Variants in MSRA observed in about 807,000 individuals in gnomAD.
MSRA encodes the protein methionine sulfoxide reductase A, also known as mitochondrial peptide methionine sulfoxide reductase.
A neutral mutation model predicts 31.3 loss-of-function variants in MSRA; 54 were observed. The ratio of observed to expected loss-of-function variants is 1.73; its 90% confidence interval spans 1.39 to 2.17. The LOEUF (loss-of-function observed/expected upper bound fraction) is 2.17, where lower values mean the gene tolerates loss of function less well. Ranked by LOEUF, MSRA falls within the 30% of genes most tolerant of loss-of-function variation. The pLI is 0.00. For synonymous variants in MSRA, 169 were observed against 116.5 expected, an observed-to-expected ratio of 1.45 and a Z score of -2.90; for missense variants, 507 against 300.9, an observed-to-expected ratio of 1.69 and a Z score of -5.07.
At chr8:10,230,208 T>C (rs1343503595) in intron 2 of MSRA, among the ~76,000 whole-genome samples, 5 of 152,220 alleles carry the variant, frequency 3.3e-5, no homozygotes, top group Admixed American at 3.3e-4. Flanking sequence ...AGGCATTCCA[T>C]AGGGTAGACT....
At chr8:10,306,451 G>C (rs1801145392) in intron 4 of MSRA, among the ~76,000 whole-genome samples, 1 of 151,634 alleles carries the variant, frequency 6.6e-6, no homozygotes, top group Admixed American at 6.6e-5. Flanking sequence ...TCTTTGTCTG[G>C]GTAAGTATTT....
rs11996510 is a variant in MSRA at position 10,261,626 on chromosome 8, G to A, written c.331+16403G>A. ...AAGTACACAGAGTTCCAATGTTACC[G>A]CCTGCCACACATACATCCATTTTCT... On this transcript the variant is annotated intron_variant, in intron 3 of 5. Coordinates refer to ENST00000317173, the MANE Select transcript of MSRA (RefSeq NM_012331.5). Among the ~76,000 whole-genome samples the A allele has an allele frequency of 9.2e-3, 1,394 of 152,168 alleles. 17 individuals are homozygous for A. The highest frequency in any genetic ancestry group is 0.032 in the African/African-American group (1,309 of 41,508).
chr8:10,166,178 T>G (rs1805103962), intron 1 of MSRA, among the ~76,000 whole-genome samples: 1 of 152,106 alleles, frequency 6.6e-6, no homozygotes, highest in Non-Finnish European at 1.5e-5. Context: ...GTGGGTATGG[T>G]AGTGGTGATG....
At chr8:10,099,042 G>A (rs4841280) in intron 1 of MSRA, among the ~76,000 whole-genome samples, 116,559 of 152,080 alleles carry the variant, frequency 0.77, 44,858 homozygotes, top group African/African-American at 0.82. Flanking sequence ...GGGGTGTGGT[G>A]TATTTTAAAT....
At chr8:10,252,137 A>C (rs1249161876) in intron 3 of MSRA, among the ~76,000 whole-genome samples, 4 of 152,248 alleles carry the variant, frequency 2.6e-5, no homozygotes, top group Admixed American at 1.3e-4. Flanking sequence ...GGAAACCTCC[A>C]AGACTGCTTT....
chr8:10,101,278 A>C (rs1438405738), intron 1 of MSRA, among the ~76,000 whole-genome samples: 2 of 152,204 alleles, frequency 1.3e-5, no homozygotes, highest in Non-Finnish European at 2.9e-5. Context: ...ATACATGCAG[A>C]GCTCTTAGCA....
At chr8:10,179,231 G>A (rs753095884) in intron 1 of MSRA, among the ~76,000 whole-genome samples, 104 of 152,194 alleles carry the variant, frequency 6.8e-4, no homozygotes, top group Non-Finnish European at 9.9e-4. Flanking sequence ...TTAACATATA[G>A]CAAAATTACC....
At chr8:10,061,436 T>C (rs1802717682) in intron 1 of MSRA, among the ~76,000 whole-genome samples, 1 of 152,138 alleles carries the variant, frequency 6.6e-6, no homozygotes, top group African/African-American at 2.4e-5. Flanking sequence ...GTGATCTCCT[T>C]CTTCTCTACT....
chr8:10,238,051 C>T (rs1304797130), intron 2 of MSRA, among the ~76,000 whole-genome samples: 2 of 152,202 alleles, frequency 1.3e-5, no homozygotes, highest in Admixed American at 6.5e-5. Flanking sequence ...CCTTAACCAT[C>T]CCACAAGGTC....
At chr8:10,412,322 G>A (rs973025701) in intron 5 of MSRA, among the ~76,000 whole-genome samples, 1 of 152,152 alleles carries the variant, frequency 6.6e-6, no homozygotes, top group Non-Finnish European at 1.5e-5. Flanking sequence ...AAGGGCCACA[G>A]GCTTGTCAGT....
intron 2 of MSRA, among the ~76,000 whole-genome samples, chr8:10,224,223 A>T (rs1012518151): frequency 2.6e-5 from 4 of 152,202 alleles, no homozygotes; most frequent in Non-Finnish European, 5.9e-5. Context: ...CCACTTAGCT[A>T]TAAACCAGAT....
intron 1 of MSRA, among the ~76,000 whole-genome samples, chr8:10,071,352 G>C (rs1318014629): frequency 2.6e-5 from 4 of 151,886 alleles, no homozygotes; most frequent in Non-Finnish European, 5.9e-5. Context: ...TTGAATTATT[G>C]CTTTACTCTT....
intron 1 of MSRA, among the ~76,000 whole-genome samples, chr8:10,200,368 TG>T (rs1487840752): frequency 6.6e-6 from 1 of 152,230 alleles, no homozygotes; most frequent in African/African-American, 2.4e-5. Context: ...ATATGGTCCC[TG>T]GTCACCATGG....
At chr8:10,368,977 AACC>A (rs1805324122) in intron 5 of MSRA, among the ~76,000 whole-genome samples, 1 of 152,208 alleles carries the variant, frequency 6.6e-6, no homozygotes, top group African/African-American at 2.4e-5. Flanking sequence ...CAGCTGTGAT[AACC>A]AGGGACCAAC....
chr8:10,054,369 A>G lies in MSRA; in HGVS notation c.-148A>G. 1.3e-6 allele frequency: 1 copy of G among 766,396 alleles called. No homozygotes were observed. The highest frequency in any genetic ancestry group is 3.9e-5 in the East Asian group (1 of 25,518). The allele number at this position is 766,396 out of a possible 1,614,324, so 47.5% of individuals were successfully genotyped here. A position where few individuals can be genotyped will look rare whatever the true frequency, so the allele number is the denominator to read the frequency against. Reference sequence around the variant, plus strand: ...GCAACCTCGATTACGGGCGGCCTCCAGCCCCGCCAGCAGCGCCCCGCGCCC... The same window carrying G: ...GCAACCTCGATTACGGGCGGCCTCCGGCCCCGCCAGCAGCGCCCCGCGCCC... On this transcript the variant is annotated 5_prime_UTR_variant, in exon 1 of 6. Transcript: ENST00000317173.
intron 4 of MSRA, among the ~76,000 whole-genome samples, chr8:10,304,879 A>C (rs1430419245): frequency 6.6e-6 from 1 of 152,086 alleles, no homozygotes; most frequent in African/African-American, 2.4e-5. Flanking sequence ...GCAGTAGTCC[A>C]CTCCAGGTTC....
chr8:10,405,671 G>A (rs1807759423), intron 5 of MSRA, among the ~76,000 whole-genome samples: 1 of 152,238 alleles, frequency 6.6e-6, no homozygotes, highest in Admixed American at 6.5e-5. Context: ...AGAGAGGTGA[G>A]GCTTGGAGAT....
rs550967632 is a variant in MSRA, at chr8:10,222,949, G to A, written c.211+15048G>A. 1.6e-3 allele frequency among the ~76,000 whole-genome samples: 246 copies of A among 152,310 alleles called. 1 individual carries two copies. Among genetic ancestry groups the A allele is most frequent in the African/African-American group, 5.8e-3 (239 of 41,554 alleles). On this transcript the variant is annotated intron_variant, in intron 2 of 5. Transcript: ENST00000317173. Reference sequence around the variant, plus strand: ...TGTACACTTGAAAATTGCTAAGAGAGTAGATTTTAAATGTTCTCACCACAT... The same window carrying A: ...TGTACACTTGAAAATTGCTAAGAGAATAGATTTTAAATGTTCTCACCACAT...
At chr8:10,319,632 T>C (rs1052815986) in intron 4 of MSRA, among the ~76,000 whole-genome samples, 3 of 151,458 alleles carry the variant, frequency 2.0e-5, no homozygotes, top group African/African-American at 7.3e-5. Flanking sequence ...TCTAGTATGA[T>C]CCAAGACCTG....
Sources: gnomAD v4.1 joint callset for allele counts (sites outside exome capture counted in the v4.1 genomes callset) on GRCh38, gnomAD v4.1.1 for gene constraint, MANE v1.5 for transcripts, NCBI Gene and HGNC (gene_info 2026-07-23, HGNC 2026-07-21) for gene names.